DOCK4: variants seen among roughly 807,000 people sequenced by gnomAD.
DOCK4 encodes the protein dedicator of cytokinesis 4.
In DOCK4, 97 loss-of-function variants were observed where a neutral mutation model predicts 268.1. That is an observed-to-expected ratio of 0.36 (90% CI 0.31 to 0.43). The LOEUF (loss-of-function observed/expected upper bound fraction) is 0.43, where lower values mean the gene tolerates loss of function less well. Ranked by LOEUF, DOCK4 falls within the 20% of genes least tolerant of loss-of-function variation. The pLI is 1.00. For synonymous variants in DOCK4, 954 were observed against 887.2 expected, an observed-to-expected ratio of 1.08 and a Z score of -1.34; for missense variants, 2,145 against 2,455.7, an observed-to-expected ratio of 0.87 and a Z score of 2.67.
intron 49 of DOCK4, among the ~76,000 whole-genome samples, chr7:111,737,964 C>CAAAG (rs1325718328): frequency 3.3e-5 from 5 of 152,214 alleles, no homozygotes; most frequent in Non-Finnish European, 5.9e-5. Flanking sequence ...ACACAATCAG[C>CAAAG]AAAGACAAAC....
chr7:112,166,980 T>G (rs751682128), intron 1 of DOCK4, among the ~76,000 whole-genome samples: 21 of 152,134 alleles, frequency 1.4e-4, no homozygotes, highest in Admixed American at 1.1e-3. Flanking sequence ...TGAAACCCAC[T>G]GTATTTGTTG....
At chr7:112,066,624 G>A (rs1382730127) in intron 1 of DOCK4, among the ~76,000 whole-genome samples, 1 of 108,024 alleles carries the variant, frequency 9.3e-6, no homozygotes, top group Non-Finnish European at 1.7e-5. Context: ...ACATATATAC[G>A]TGTATATATA....
intron 1 of DOCK4, among the ~76,000 whole-genome samples, chr7:112,163,450 G>A (rs756368356): frequency 5.3e-5 from 8 of 152,094 alleles, no homozygotes; most frequent in East Asian, 1.9e-4. Flanking sequence ...CAGGTATAAC[G>A]TCCTAAAAGA....
chr7:112,109,762 T>C (rs1027987240), intron 1 of DOCK4, among the ~76,000 whole-genome samples: 5 of 109,518 alleles, frequency 4.6e-5, no homozygotes, highest in African/African-American at 2.2e-4. Flanking sequence ...TTTTTTTTTT[T>C]GAGACGGAGT....
intron 8 of DOCK4, among the ~76,000 whole-genome samples, chr7:111,973,180 T>TATATATATATATATATATATATAC (rs1330800991): frequency 8.3e-5 from 12 of 145,420 alleles, no homozygotes; most frequent in African/African-American, 3.1e-4. Flanking sequence ...TATATATATA[T>TATATATATATATATATATATATAC]ATATATAATA....
At chr7:111,735,011 G>A (rs1795370503) in intron 51 of DOCK4, 43 bp downstream of exon 51, 2 of 1,453,210 alleles carry the variant, frequency 1.4e-6, no homozygotes, top group East Asian at 2.5e-5. Flanking sequence ...GTCAATAAAA[G>A]TTATTTTATA....
chr7:111,877,001 G>C (rs1434596569), intron 17 of DOCK4, 29 bp downstream of exon 17: 2 of 1,435,156 alleles, frequency 1.4e-6, no homozygotes, highest in Non-Finnish European at 1.8e-6. Context: ...TTAGGTACTA[G>C]GGCTTTCAAA....
Position 111,834,706 on chromosome 7 carries a change from A to G in DOCK4, c.2737-20T>C, listed in dbSNP as rs63498462. On this transcript the variant is annotated intron_variant, in intron 25 of 52. Transcript: ENST00000428084. Reference sequence around the variant, plus strand: ...CTCCCCCTAAGTTAAAAAAAAAAAAAGCATACATTTTATTTTTAGTAAGGA... The same window carrying G: ...CTCCCCCTAAGTTAAAAAAAAAAAAGGCATACATTTTATTTTTAGTAAGGA... 4 of 1,356,880 alleles carry G rather than the reference A, an allele frequency of 2.9e-6. No homozygotes were observed. The highest frequency in any genetic ancestry group is 3.0e-6 in the Non-Finnish European group (3 of 998,602). 84.1% of individuals were successfully genotyped at this position (1,356,880 alleles called of 1,614,324 possible).
chr7:111,930,751 T>G (rs1376723703), intron 12 of DOCK4, among the ~76,000 whole-genome samples: 1 of 152,164 alleles, frequency 6.6e-6, no homozygotes, highest in Non-Finnish European at 1.5e-5. Context: ...TGAATGTGCC[T>G]CCCTTTCAAT....
rs374025898 is a variant in DOCK4 at position 111,772,284 on chromosome 7, C to T, written c.3680-2607G>A. 7.8e-4 allele frequency among the ~76,000 whole-genome samples: 119 copies of T among 152,076 alleles called. 1 individual carries two copies. In the South Asian group the frequency reaches 0.021, roughly 27 times the overall value. Reference sequence around the variant, plus strand: ...AAAATTAGCTAGGTGTGGTGGCATACGCCTGTAGTCCCAGCTACTTGGGAG... The same window carrying T: ...AAAATTAGCTAGGTGTGGTGGCATATGCCTGTAGTCCCAGCTACTTGGGAG... On this transcript the variant is annotated intron_variant, in intron 36 of 52. Transcript: ENST00000428084.
chr7:111,964,661 T>C (rs1797240953), intron 8 of DOCK4, among the ~76,000 whole-genome samples: 1 of 133,518 alleles, frequency 7.5e-6, no homozygotes, highest in Non-Finnish European at 1.6e-5. Context: ...ACTTCCCCAA[T>C]CTAGCAAGGC....
chr7:112,140,886 A>G lies in DOCK4; in HGVS notation c.37+65216T>C, dbSNP rs555909621. On this transcript the variant is annotated intron_variant, in intron 1 of 52. Transcript: ENST00000428084. The stretch of plus-strand genomic sequence containing the variant: ...GGAGATGTTTTCAGAACCTGCATTC[A>G]CACCTGACCTCGAGCAGGCAGAGCA... Among the ~76,000 whole-genome samples, 4 of 152,300 alleles carry G rather than the reference A, an allele frequency of 2.6e-5. No individual in the cohort carries two copies. In the South Asian group the frequency reaches 8.3e-4, roughly 32 times the overall value.
chr7:111,997,753 C>G (rs1800085217), intron 4 of DOCK4, among the ~76,000 whole-genome samples: 1 of 152,162 alleles, frequency 6.6e-6, no homozygotes, highest in South Asian at 2.1e-4. Context: ...GACACTGACA[C>G]CAAATGTTTG....
At chr7:112,004,525 C>G (rs570533294) in intron 1 of DOCK4, among the ~76,000 whole-genome samples, 2 of 152,110 alleles carry the variant, frequency 1.3e-5, no homozygotes, top group Admixed American at 1.3e-4. Flanking sequence ...CAATAATAAA[C>G]GAGGAATATA....
At chr7:111,983,947 G>C (rs533269669) in intron 7 of DOCK4, among the ~76,000 whole-genome samples, 1 of 151,626 alleles carries the variant, frequency 6.6e-6, no homozygotes, top group Non-Finnish European at 1.5e-5. Context: ...GAGCCAAGAC[G>C]AAACACCCAT....
chr7:111,994,176 T>C lies in DOCK4; in HGVS notation c.274A>G (p.Thr92Ala). Residue 92 changes from threonine to alanine, a missense_variant, in exon 5 of 53, where the codon ACA (threonine) becomes GCA (alanine). By Grantham distance (58) the Thr-to-Ala change is moderately conservative (BLOSUM62 0). This residue lies in a region of DOCK4 where 1,598 missense variants were observed against 1,986.7 expected (regional missense o/e 0.80). Transcript: ENST00000428084. ...EDSVITEMTSTLRDWGTMWKQ... is the reference protein window; with the variant it reads ...EDSVITEMTSALRDWGTMWKQ... ...CACATGGTTCCCCAGTCTCTTAATG[T>C]TGATGTCATTTCTGTGATAACAGAG... is the stretch of plus-strand genomic sequence containing the variant. The C allele has an allele frequency of 6.2e-7, 1 of 1,609,048 alleles. No individual in the cohort carries two copies. Among genetic ancestry groups the C allele is most frequent in the South Asian group, 1.1e-5 (1 of 90,190 alleles).
At chr7:112,123,899 A>AACTGTCTATAGTTATAG (rs1426229064) in intron 1 of DOCK4, among the ~76,000 whole-genome samples, 1 of 152,250 alleles carries the variant, frequency 6.6e-6, no homozygotes, top group South Asian at 2.1e-4. Flanking sequence ...AACTAGAAGT[A>AACTGTCTATAGTTATAG]ACAGAAGGAC....
At chr7:111,767,620 C>T (rs967012215) in intron 37 of DOCK4, among the ~76,000 whole-genome samples, 32 of 152,238 alleles carry the variant, frequency 2.1e-4, no homozygotes, top group East Asian at 9.7e-4. Context: ...ATGCTGGAAA[C>T]GATAATCTAC....
intron 23 of DOCK4, among the ~76,000 whole-genome samples, chr7:111,851,749 C>T (rs2134119840): frequency 6.6e-6 from 1 of 152,208 alleles, no homozygotes; most frequent in East Asian, 1.9e-4. Context: ...GCAATGGTAA[C>T]TCCTCCTGGG....
Sources: gnomAD v4.1 joint callset for allele counts (sites outside exome capture counted in the v4.1 genomes callset) on GRCh38, gnomAD v4.1.1 for gene constraint, gnomAD v4.1.1 regional missense constraint, MANE v1.5 for transcripts, NCBI Gene and HGNC (gene_info 2026-07-23, HGNC 2026-07-21) for gene names.